The following NFIB variants were observed in gnomAD, a reference collection of about 807,000 sequenced individuals.
NFIB encodes nuclear factor 1 B-type.
Under a neutral mutation model 61.5 loss-of-function variants are expected in NFIB, and 11 were observed. The observed-to-expected ratio is 0.18, with a 90% CI of 0.11 to 0.30. NFIB has a LOEUF of 0.30. Ranked by LOEUF, NFIB falls within the 10% of genes least tolerant of loss-of-function variation. The probability of loss-of-function intolerance (pLI) is 1.00; values close to 1 mark genes in which losing one functional copy is unlikely to be tolerated. For synonymous variants in NFIB, 260 were observed against 216.5 expected, an observed-to-expected ratio of 1.20 and a Z score of -1.76; for missense variants, 471 against 608.9, an observed-to-expected ratio of 0.77 and a Z score of 2.38.
At chr9:14,179,106 T>G (rs1054583565) in intron 3 of NFIB, among the ~76,000 whole-genome samples, 2 of 152,162 alleles carry the variant, frequency 1.3e-5, no homozygotes, top group African/African-American at 2.4e-5. Context: ...CAAAATGTTG[T>G]ATGTTCAGAG....
Position 14,314,107 on chromosome 9 carries a change from C to A in NFIB, c.-596G>T. On this transcript the variant is annotated 5_prime_UTR_variant, in exon 1 of 11. It removes an upstream start codon present in the reference 5' UTR. Coordinates refer to ENST00000380953, the MANE Select transcript of NFIB (RefSeq NM_001190737.2). ...AGGCGAAACTTTGCCGCGAGCCGAC[C>A]ATGTGTGTGCGCGAGGGGCAGCGTG... 13 of 1,016,626 alleles carry A rather than the reference C, an allele frequency of 1.3e-5. No homozygotes were observed. Among genetic ancestry groups the A allele is most frequent in the Non-Finnish European group, 1.5e-5 (13 of 850,782 alleles). The allele number at this position is 1,016,626 out of a possible 1,614,324, so 63.0% of individuals were successfully genotyped here.
rs1198473918 is a variant in NFIB, at chr9:14,313,964, G to A, written c.-453C>T. 9.4e-7 allele frequency: 1 copy of A among 1,060,058 alleles called. No individual in the cohort carries two copies. The highest frequency in any genetic ancestry group is 1.1e-6 in the Non-Finnish European group (1 of 878,430). 65.7% of individuals were successfully genotyped at this position (1,060,058 alleles called of 1,614,324 possible). On this transcript the variant is annotated 5_prime_UTR_variant, in exon 1 of 11. Coordinates refer to ENST00000380953, the MANE Select transcript of NFIB (RefSeq NM_001190737.2). This position sits in a 1 kb window ranked among gnomAD's most constrained non-coding sequence, Gnocchi z 4.5. ...AAAAGGCGGGGAGGGGGGCGCGGGAGGGCGCAGGAGGGCGAGCGGGCGGGC... is the reference window on the plus strand; with the variant it reads ...AAAAGGCGGGGAGGGGGGCGCGGGAAGGCGCAGGAGGGCGAGCGGGCGGGC...
At chr9:14,348,144 C>T (rs1256385375) in intron 1 of NFIB, among the ~76,000 whole-genome samples, 2 of 152,208 alleles carry the variant, frequency 1.3e-5, no homozygotes, top group African/African-American at 2.4e-5. Flanking sequence ...GGCGTGAGGC[C>T]GCCGCGGCCC....
chr9:14,247,467 A>G (rs1022214793), intron 2 of NFIB, among the ~76,000 whole-genome samples: 16 of 152,108 alleles, frequency 1.1e-4, no homozygotes, highest in Non-Finnish European at 7.4e-5. Flanking sequence ...GGACTACTCC[A>G]TTTCTCACAG....
At position 14,388,363 on chromosome 9, in the gene NFIB, AGAAAGAAGGAAGGAAG is replaced by A. The variant is rs1465266329; in HGVS notation, c.108+10145_108+10160del. ...GAATGAGACCTTTTCAAAAAGAGAA[AGAAAGAAGGAAGGAAG>A]GAAGGAAGGAAGGAAGGAAGGAAGG... On this transcript the variant is annotated intron_variant, in intron 1 of 8. Coordinates refer to the NFIB transcript ENST00000380934. 3.8e-3 allele frequency among the ~76,000 whole-genome samples: 310 copies of A among 81,676 alleles called. 6 individuals are homozygous for A. Among genetic ancestry groups the A allele is most frequent in the Middle Eastern group, 0.036 (6 of 168 alleles). The allele number at this position is 81,676 out of a possible 152,430, so 53.6% of individuals were successfully genotyped here.
At chr9:14,282,652 T>G (rs2058448594) in intron 2 of NFIB, among the ~76,000 whole-genome samples, 1 of 152,244 alleles carries the variant, frequency 6.6e-6, no homozygotes, top group South Asian at 2.1e-4. Context: ...TTATTTGGTC[T>G]TCTTAACAAT....
At chr9:14,455,748 T>G in the NFIB span, among the ~76,000 whole-genome samples, 1 of 152,198 alleles carries the variant, frequency 6.6e-6, no homozygotes, top group Non-Finnish European at 1.5e-5. Flanking sequence ...AACAAAAGTG[T>G]AAACAAGATT....
chr9:14,350,051 G>GT (rs1407158733), intron 1 of NFIB, among the ~76,000 whole-genome samples: 1 of 152,176 alleles, frequency 6.6e-6, no homozygotes, highest in Non-Finnish European at 1.5e-5. Context: ...GCACGCACGG[G>GT]TGGGCTTTCC....
At chr9:14,212,689 T>C (rs1036134825) in intron 2 of NFIB, among the ~76,000 whole-genome samples, 1 of 151,950 alleles carries the variant, frequency 6.6e-6, no homozygotes, top group South Asian at 2.1e-4. Flanking sequence ...TCACATAATA[T>C]AATTAATAAA....
the NFIB span, among the ~76,000 whole-genome samples, chr9:14,507,533 G>T: frequency 1.3e-5 from 2 of 152,140 alleles, no homozygotes; most frequent in Non-Finnish European, 2.9e-5. Flanking sequence ...ATTGTTTTAA[G>T]GATGTCCTTA....
chr9:14,098,067 C>A (rs530803896), intron 10 of NFIB, among the ~76,000 whole-genome samples: 1 of 152,178 alleles, frequency 6.6e-6, no homozygotes, highest in Non-Finnish European at 1.5e-5. Flanking sequence ...ACTGCTAACA[C>A]ATGTAACACG....
chr9:14,178,814 G>A (rs138818868), intron 3 of NFIB, among the ~76,000 whole-genome samples: 5 of 152,086 alleles, frequency 3.3e-5, no homozygotes, highest in East Asian at 1.9e-4. Flanking sequence ...AAGATCAAAC[G>A]ATGGAGGACC....
At chr9:14,093,123 C>T (rs1199530038) in intron 10 of NFIB, among the ~76,000 whole-genome samples, 2 of 151,890 alleles carry the variant, frequency 1.3e-5, no homozygotes, top group Non-Finnish European at 2.9e-5. Flanking sequence ...GAGCCAGAAA[C>T]CAAACAAAGT....
chr9:14,425,942 C>T, the NFIB span, among the ~76,000 whole-genome samples: 1,555 of 152,232 alleles, frequency 0.01, 24 homozygotes, highest in African/African-American at 0.036. Context: ...GGAAGAAAAA[C>T]GAGTCTTCCT....
At chr9:14,463,503 G>GTC in the NFIB span, among the ~76,000 whole-genome samples, 2 of 151,986 alleles carry the variant, frequency 1.3e-5, no homozygotes, top group African/African-American at 4.8e-5. Flanking sequence ...ATGTCAGGAT[G>GTC]GTGATGTTGT....
rs928093441 is a variant in NFIB at position 14,086,266 on chromosome 9, T to C, written c.*2043A>G. 9.1e-6 allele frequency: 2 copies of C among 219,770 alleles called. No individual in the cohort carries two copies. Among genetic ancestry groups the C allele is most frequent in the African/African-American group, 4.5e-5 (2 of 44,418 alleles). The allele number at this position is 219,770 out of a possible 1,614,324, so 13.6% of individuals were successfully genotyped here. ...ACCCCAGAATATATATATATGTATA[T>C]TAAAAAAAATCCCCTGTCCATCTCT... On this transcript the variant is annotated 3_prime_UTR_variant, in exon 11 of 11. Coordinates refer to ENST00000380953, the MANE Select transcript of NFIB (RefSeq NM_001190737.2).
At chr9:14,301,575 C>T (rs1055151297) in intron 2 of NFIB, among the ~76,000 whole-genome samples, 18 of 152,094 alleles carry the variant, frequency 1.2e-4, no homozygotes, top group Non-Finnish European at 2.4e-4. Flanking sequence ...TCCCTCCCTC[C>T]CTCTCTCCTT....
At chr9:14,328,165 G>A (rs1210526390) in intron 1 of NFIB, among the ~76,000 whole-genome samples, 1 of 151,898 alleles carries the variant, frequency 6.6e-6, no homozygotes, top group East Asian at 1.9e-4. Flanking sequence ...TTTCTTTTGT[G>A]ATAAGGTCTT....
At position 14,211,559 on chromosome 9, in the gene NFIB, G is replaced by T. The variant is rs796854320; in HGVS notation, c.563-31779C>A. Among the ~76,000 whole-genome samples the T allele has an allele frequency of 1.1e-4, 16 of 152,314 alleles. 1 individual carries two copies. Among genetic ancestry groups the T allele is most frequent in the African/African-American group, 3.6e-4 (15 of 41,574 alleles). ...AAAAAATACTAGTATAGTTACTCAAGGCACGGAACTGGACAAACTGCAATT... is the reference window on the plus strand; with the variant it reads ...AAAAAATACTAGTATAGTTACTCAATGCACGGAACTGGACAAACTGCAATT... On this transcript the variant is annotated intron_variant, in intron 2 of 10. Transcript: ENST00000380953.
Sources: gnomAD v4.1 joint callset for allele counts (sites outside exome capture counted in the v4.1 genomes callset) on GRCh38, gnomAD v4.1.1 for gene constraint, Gnocchi (gnomAD v3.1) non-coding constraint, MANE v1.5 for transcripts, NCBI Gene and HGNC (gene_info 2026-07-23, HGNC 2026-07-21) for gene names.